CARMIL1: variants seen among roughly 807,000 people sequenced by gnomAD.
CARMIL1 encodes capping protein regulator and myosin 1 linker 1, also known as F-actin-uncapping protein LRRC16A.
CARMIL1 carries 90 observed loss-of-function variants against 177.1 expected under a neutral mutation model. That is an observed-to-expected ratio of 0.51 (90% confidence interval 0.43 to 0.61). CARMIL1 has a LOEUF of 0.61. CARMIL1 is among the 20% of genes least tolerant of loss of function. CARMIL1 has a pLI of 0.00. For synonymous variants in CARMIL1, 577 were observed against 606.2 expected (o/e 0.95, Z 0.71); for missense variants, 1,380 against 1,667.0 (o/e 0.83, Z 3.00).
chr6:25,532,203 A>T (rs1410721796), intron 24 of CARMIL1, among the ~76,000 whole-genome samples: 3 of 151,166 alleles, frequency 2.0e-5, no homozygotes, highest in African/African-American at 7.3e-5. Context: ...GGTTCAAGCG[A>T]TTCTCCTGCC....
At chr6:25,365,106 G>C (rs1789636777) in intron 2 of CARMIL1, among the ~76,000 whole-genome samples, 1 of 152,092 alleles carries the variant, frequency 6.6e-6, no homozygotes. Flanking sequence ...TAAAAAAGAA[G>C]CTTGGATCAC....
intron 2 of CARMIL1, among the ~76,000 whole-genome samples, chr6:25,308,506 CG>C (rs1188582420): frequency 1.3e-5 from 2 of 151,724 alleles, no homozygotes; most frequent in Non-Finnish European, 2.9e-5. Context: ...CTCAGCCTCC[CG>C]AGTAGCAGGG....
rs72839084 is a variant in CARMIL1 at position 25,572,971 on chromosome 6, G to A, written c.2743-7953G>A. 4.6e-4 allele frequency among the ~76,000 whole-genome samples: 70 copies of A among 152,238 alleles called. 1 individual carries two copies. Among genetic ancestry groups the A allele is most frequent in the Non-Finnish European group, 8.8e-4 (60 of 68,008 alleles). ...TCTATAGAACCTGAATGTGGGGAGCGCATTGGATTAAAGCACTGATTCAGT... is the reference window on the plus strand; with the variant it reads ...TCTATAGAACCTGAATGTGGGGAGCACATTGGATTAAAGCACTGATTCAGT... On this transcript the variant is annotated intron_variant, in intron 29 of 36. Coordinates refer to ENST00000329474, the MANE Select transcript of CARMIL1 (RefSeq NM_017640.6).
At position 25,299,479 on chromosome 6, in the gene CARMIL1, G is replaced by T. The variant is rs567493529; in HGVS notation, c.138+14570G>T. On this transcript the variant is annotated intron_variant, in intron 2 of 36. Transcript: ENST00000329474. ...AAGTCACAGCACCCGGCCCATGCTG[G>T]GTTCTTAATCTCCAGGCTGTGCTGG... 8.6e-5 allele frequency among the ~76,000 whole-genome samples: 13 copies of T among 152,026 alleles called. No individual in the cohort carries two copies. In the South Asian group the frequency reaches 2.7e-3, roughly 32 times the overall value.
At chr6:25,488,698 C>T in intron 13 of CARMIL1, 113 bp downstream of exon 13, 1 of 840,656 alleles carries the variant, frequency 1.2e-6, no homozygotes, top group Non-Finnish European at 2.0e-6. Context: ...TGTCATGACA[C>T]CTTTGAATCA....
At position 25,450,124 on chromosome 6, in the gene CARMIL1, G is replaced by A. The variant is rs1040604751; in HGVS notation, c.469+129G>A. On this transcript the variant is annotated intron_variant, in intron 6 of 36. Transcript: ENST00000329474. ...TTCAAGGTGTAATTAGCAGCGCACA[G>A]ACTTTAGATTGGTGGACAAAAGTCC... 4.4e-5 allele frequency: 36 copies of A among 820,448 alleles called. 1 individual carries two copies. Among genetic ancestry groups the A allele is most frequent in the Admixed American group, 4.2e-4 (15 of 35,926 alleles). 50.8% of individuals were successfully genotyped at this position (820,448 alleles called of 1,614,324 possible).
chr6:25,514,712 G>A (rs913303100), intron 20 of CARMIL1, among the ~76,000 whole-genome samples: 1 of 151,898 alleles, frequency 6.6e-6, no homozygotes, highest in African/African-American at 2.4e-5. Context: ...ACTTGAGCCT[G>A]GGAGTTCAAG....
intron 29 of CARMIL1, among the ~76,000 whole-genome samples, chr6:25,568,152 T>C (rs1811716580): frequency 6.6e-6 from 1 of 152,258 alleles, no homozygotes; most frequent in Non-Finnish European, 1.5e-5. Context: ...CCAAAAAAAT[T>C]ACTTCCATGC....
At chr6:25,528,393 C>T (rs2151097306) in intron 23 of CARMIL1, among the ~76,000 whole-genome samples, 1 of 152,286 alleles carries the variant, frequency 6.6e-6, no homozygotes, top group East Asian at 1.9e-4. Flanking sequence ...ATTTAGAGAG[C>T]ACCACCCTTA....
intron 2 of CARMIL1, among the ~76,000 whole-genome samples, chr6:25,371,959 T>C (rs1790467005): frequency 6.6e-6 from 1 of 152,218 alleles, no homozygotes; most frequent in African/African-American, 2.4e-5. Flanking sequence ...AGTTTCATTC[T>C]TATACATGTG....
chr6:25,459,262 CTTTCTT>C (rs1562167741), intron 8 of CARMIL1, among the ~76,000 whole-genome samples: 1 of 101,474 alleles, frequency 9.9e-6, no homozygotes, highest in Non-Finnish European at 1.9e-5. Flanking sequence ...TTCTTTCTTT[CTTTCTT>C]TTTTTTTTTT....
rs1780928051 is a variant in CARMIL1 at position 25,279,824 on chromosome 6, G to C, written c.29G>C (p.Arg10Thr). The C allele has an allele frequency of 1.9e-6, 3 of 1,613,884 alleles. No individual in the cohort carries two copies. Among genetic ancestry groups the C allele is most frequent in the Non-Finnish European group, 2.5e-6 (3 of 1,179,906 alleles). Residue 10 changes from arginine (R) to threonine (T), a missense_variant, in exon 1 of 37, where the codon AGG becomes ACG. Transcript: ENST00000329474. Reference protein sequence around the residue: MTEESSDVPRELIESIKDVI... With the variant: MTEESSDVPTELIESIKDVI... ...ACCGAGGAGAGCTCTGACGTTCCCAGGGAGTTGATAGGTAAGATTCACGCG... is the reference window on the plus strand; with the variant it reads ...ACCGAGGAGAGCTCTGACGTTCCCACGGAGTTGATAGGTAAGATTCACGCG...
At chr6:25,281,626 G>T (rs1781124901) in intron 1 of CARMIL1, among the ~76,000 whole-genome samples, 1 of 152,138 alleles carries the variant, frequency 6.6e-6, no homozygotes, top group Non-Finnish European at 1.5e-5. Context: ...TCAAGAGAGT[G>T]ACATATTATG....
In CARMIL1 at chr6:25,392,054, A is replaced by ATGTGTG. The variant is rs36076582; in HGVS notation, c.139-28020_139-28015dup. ...TGTGTATGCATGTGTGTGTATATGC[A>ATGTGTG]TGTGTGTGTGTGTGTGTGTGTGTGT... On this transcript the variant is annotated intron_variant, in intron 2 of 36. Coordinates refer to ENST00000329474, the MANE Select transcript of CARMIL1 (RefSeq NM_017640.6). Among the ~76,000 whole-genome samples, 503 of 139,324 alleles carry ATGTGTG rather than the reference A, an allele frequency of 3.6e-3. 5 individuals are homozygous for ATGTGTG. The highest frequency in any genetic ancestry group is 0.012 in the African/African-American group (451 of 37,822). The allele number at this position is 139,324 out of a possible 152,430, so 91.4% of individuals were successfully genotyped here. A position where few individuals can be genotyped will look rare whatever the true frequency, so the allele number is the denominator to read the frequency against.
chr6:25,316,459 G>A (rs149510506), intron 2 of CARMIL1, among the ~76,000 whole-genome samples: 55 of 148,900 alleles, frequency 3.7e-4, no homozygotes, highest in Non-Finnish European at 6.4e-4. Flanking sequence ...CCACTCTGTC[G>A]CCCAGGCTGG....
chr6:25,395,456 T>C (rs965332568), intron 2 of CARMIL1, among the ~76,000 whole-genome samples: 3 of 152,260 alleles, frequency 2.0e-5, no homozygotes, highest in Non-Finnish European at 2.9e-5. Flanking sequence ...AAAGAAACTA[T>C]TTTTAATTGA....
intron 31 of CARMIL1, among the ~76,000 whole-genome samples, chr6:25,591,895 T>C (rs1410537696): frequency 5.3e-5 from 8 of 152,186 alleles, no homozygotes; most frequent in Non-Finnish European, 1.2e-4. Flanking sequence ...GCAAACTGTT[T>C]TGTTCAGCTC....
chr6:25,353,595 A>G (rs1562024616), intron 2 of CARMIL1, among the ~76,000 whole-genome samples: 4 of 152,136 alleles, frequency 2.6e-5, no homozygotes, highest in Non-Finnish European at 5.9e-5. Flanking sequence ...GCTTGTCTCT[A>G]TGGCTTAGCT....
intron 2 of CARMIL1, among the ~76,000 whole-genome samples, chr6:25,365,010 A>G (rs879333488): frequency 5.9e-5 from 9 of 152,150 alleles, no homozygotes; most frequent in Non-Finnish European, 1.2e-4. Context: ...CAGTGTTCAT[A>G]TTCTGTTTCT....
Sources: allele counts gnomAD v4.1 joint callset (sites outside exome capture counted in the v4.1 genomes callset), GRCh38; gene constraint gnomAD v4.1.1; transcripts MANE v1.5; gene names NCBI Gene and HGNC (gene_info 2026-07-23, HGNC 2026-07-21).